The following TRPM3 variants were observed in gnomAD, a reference collection of about 807,000 sequenced individuals.
The protein encoded by TRPM3 is long transient receptor potential channel 3.
Under a neutral mutation model 181.2 loss-of-function variants are expected in TRPM3, and 77 were observed. The ratio of observed to expected loss-of-function variants is 0.42; its 90% CI spans 0.35 to 0.51. TRPM3 has a LOEUF of 0.51. Ranked by LOEUF, TRPM3 falls within the 20% of genes least tolerant of loss-of-function variation. The pLI is 0.01. For missense variants in TRPM3, 1,759 were observed against 2,196.7 expected (o/e 0.80, Z 3.98); for synonymous variants, 745 against 796.4 (o/e 0.94, Z 1.09).
intron 1 of TRPM3, among the ~76,000 whole-genome samples, chr9:71,230,518 C>T (rs963749039): frequency 3.3e-5 from 5 of 152,020 alleles, no homozygotes; most frequent in Admixed American, 2.0e-4. Flanking sequence ...GTGAATACTC[C>T]ATTTACCCTG....
intron 8 of TRPM3, among the ~76,000 whole-genome samples, chr9:70,684,984 G>A (rs2066405119): frequency 6.6e-6 from 1 of 152,124 alleles, no homozygotes; most frequent in South Asian, 2.1e-4. Flanking sequence ...TTTATATGCT[G>A]TTTGGTGCCG....
At chr9:70,657,292 G>GTTT (rs3073511) in intron 9 of TRPM3, among the ~76,000 whole-genome samples, 308 of 147,456 alleles carry the variant, frequency 2.1e-3, no homozygotes, top group African/African-American at 4.1e-3. Flanking sequence ...TAAATTGTAA[G>GTTT]TTTTTTTTTT....
intron 1 of TRPM3, among the ~76,000 whole-genome samples, chr9:71,244,915 G>A (rs1164236842): frequency 1.3e-5 from 2 of 152,208 alleles, no homozygotes; most frequent in Non-Finnish European, 1.5e-5. Context: ...ATTAGGGGAA[G>A]AGGGTTGCCA....
chr9:71,120,420 G>C (rs1250428045), intron 1 of TRPM3, among the ~76,000 whole-genome samples: 1 of 152,208 alleles, frequency 6.6e-6, no homozygotes, highest in Non-Finnish European at 1.5e-5. Context: ...GTACAGAGTT[G>C]TATGGACTTT....
At chr9:71,385,023 C>G (rs1231040803) in intron 1 of TRPM3, among the ~76,000 whole-genome samples, 1 of 151,992 alleles carries the variant, frequency 6.6e-6, no homozygotes. Flanking sequence ...TCTGAGATAC[C>G]TCAGTTGAGA....
intron 9 of TRPM3, among the ~76,000 whole-genome samples, chr9:70,648,963 GC>G (rs2059266542): frequency 6.6e-6 from 1 of 152,098 alleles, no homozygotes; most frequent in African/African-American, 2.4e-5. Context: ...GACTCCAAAA[GC>G]AATTGCAACA....
intron 1 of TRPM3, among the ~76,000 whole-genome samples, chr9:70,877,892 A>G (rs2132651293): frequency 6.6e-6 from 1 of 151,854 alleles, no homozygotes; most frequent in Non-Finnish European, 1.5e-5. Flanking sequence ...ATTCATTAAA[A>G]CTGTCACCAC....
At chr9:70,889,199 ATGGGACAAAT>A (rs2096149589) in intron 1 of TRPM3, among the ~76,000 whole-genome samples, 3 of 152,192 alleles carry the variant, frequency 2.0e-5, no homozygotes, top group Admixed American at 2.0e-4. Flanking sequence ...TCAAGCCCAT[ATGGGACAAAT>A]GGTTGAAAGT....
chr9:70,621,313 G>A lies in TRPM3; in HGVS notation c.1810-40C>T, dbSNP rs201096122. The A allele has an allele frequency of 5.5e-5, 86 of 1,551,872 alleles. No individual in the cohort carries two copies. The African/African-American group carries it at 1.0e-3, about 19-fold the overall frequency. On this transcript the variant is annotated intron_variant, in intron 14 of 25. Coordinates refer to ENST00000677713, the MANE Select transcript of TRPM3 (RefSeq NM_001366145.2). ...GTTGTGAACAAAGTTAGATCAGTTA[G>A]ATCTTTCTTTCATAAAGGTAAGAAG...
At chr9:70,628,451 C>T (rs1362209865) in intron 12 of TRPM3, among the ~76,000 whole-genome samples, 5 of 152,176 alleles carry the variant, frequency 3.3e-5, no homozygotes, top group Non-Finnish European at 7.3e-5. Flanking sequence ...TCAGGAAAAT[C>T]CTCAAAGGAC....
At chr9:70,658,737 AC>A (rs1230729498) in intron 9 of TRPM3, among the ~76,000 whole-genome samples, 1 of 151,722 alleles carries the variant, frequency 6.6e-6, no homozygotes, top group Non-Finnish European at 1.5e-5. Flanking sequence ...CAGCTATAAA[AC>A]TCTAACAGGT....
At chr9:70,829,317 A>T (rs1480691385) in intron 5 of TRPM3, among the ~76,000 whole-genome samples, 4 of 152,114 alleles carry the variant, frequency 2.6e-5, no homozygotes, top group Non-Finnish European at 5.9e-5. Flanking sequence ...ATTTTTTTAG[A>T]CCTTGATTCT....
chr9:70,844,152 A>G (rs2094839491), intron 4 of TRPM3, among the ~76,000 whole-genome samples: 1 of 152,162 alleles, frequency 6.6e-6, no homozygotes, highest in Admixed American at 6.5e-5. Context: ...CCTACACCTC[A>G]GGGGCTAGCC....
intron 6 of TRPM3, among the ~76,000 whole-genome samples, chr9:70,805,019 T>C (rs1198062254): frequency 1.3e-5 from 2 of 152,158 alleles, no homozygotes; most frequent in Non-Finnish European, 2.9e-5. Context: ...TACTTTAGCA[T>C]GGGAGTACCA....
chr9:71,251,299 T>G (rs2082327355), intron 1 of TRPM3, among the ~76,000 whole-genome samples: 1 of 152,144 alleles, frequency 6.6e-6, no homozygotes, highest in Admixed American at 6.5e-5. Context: ...GTTATAATTC[T>G]TCACTTCCTC....
intron 5 of TRPM3, 187 bp downstream of exon 5, chr9:70,842,816 T>C (rs1249201542): frequency 3.5e-6 from 2 of 569,274 alleles, no homozygotes; most frequent in Non-Finnish European, 5.8e-6. Flanking sequence ...AGAATTGACC[T>C]GGAGTTTGCC....
chr9:71,237,980 G>A (rs1257131657), intron 1 of TRPM3, among the ~76,000 whole-genome samples: 1 of 152,090 alleles, frequency 6.6e-6, no homozygotes, highest in Non-Finnish European at 1.5e-5. Flanking sequence ...TATTGCATTG[G>A]CAACACCTGA....
intron 1 of TRPM3, among the ~76,000 whole-genome samples, chr9:71,169,568 G>A (rs918233758): frequency 8.5e-5 from 13 of 152,092 alleles, no homozygotes; most frequent in African/African-American, 3.1e-4. Context: ...TTTCATTTAG[G>A]CAGATTTGAT....
At chr9:71,384,648 T>C (rs2092886183) in intron 1 of TRPM3, among the ~76,000 whole-genome samples, 1 of 152,330 alleles carries the variant, frequency 6.6e-6, no homozygotes, top group African/African-American at 2.4e-5. Flanking sequence ...TTAGCTATGG[T>C]TTTCCTAGCC....
Sources: gnomAD v4.1 joint callset for allele counts (sites outside exome capture counted in the v4.1 genomes callset) on GRCh38, gnomAD v4.1.1 for gene constraint, MANE v1.5 for transcripts, NCBI Gene and HGNC (gene_info 2026-07-23, HGNC 2026-07-21) for gene names.